The following WDR11 variants were observed in gnomAD, a reference collection of about 807,000 sequenced individuals.
WDR11 encodes WD repeat-containing protein 11.
A neutral mutation model predicts 151.2 loss-of-function variants in WDR11; 83 were observed. The ratio of observed to expected loss-of-function variants is 0.55; its 90% CI spans 0.46 to 0.66. The LOEUF (loss-of-function observed/expected upper bound fraction) is 0.66, where lower values mean the gene tolerates loss of function less well. Among genes scored for constraint, WDR11 ranks in the 30% least tolerant of loss-of-function variants. WDR11 has a pLI of 0.00. For missense variants in WDR11, 1,301 were observed against 1,480.9 expected, an observed-to-expected ratio of 0.88 and a Z score of 1.99; for synonymous variants, 484 against 533.1, an observed-to-expected ratio of 0.91 and a Z score of 1.27.
rs529802509 is a variant in WDR11 at position 120,872,595 on chromosome 10, G to A, written c.1472-1244G>A. ...ATAAGTACCTAAAAGTTTGTCTAGA[G>A]GTGTCACTAAGAAAGATAAATAAGA... On this transcript the variant is annotated intron_variant, in intron 10 of 28. Transcript: ENST00000263461. Among the ~76,000 whole-genome samples, 111 of 152,024 alleles carry A rather than the reference G, an allele frequency of 7.3e-4. 1 individual carries two copies. The highest frequency in any genetic ancestry group is 2.4e-3 in the African/African-American group (101 of 41,494).
At chr10:120,865,263 T>C in intron 6 of WDR11, 51 bp downstream of exon 6, 1 of 1,568,760 alleles carries the variant, frequency 6.4e-7, no homozygotes, top group Non-Finnish European at 8.8e-7. Context: ...GAATGTTATA[T>C]TAAAAGAAGG....
chr10:120,856,575 C>CAAAAAAAAAAAAAAAAAAAAAAACAAA (rs71019798), intron 2 of WDR11, among the ~76,000 whole-genome samples: 1 of 101,926 alleles, frequency 9.8e-6, no homozygotes, highest in African/African-American at 4.1e-5. Context: ...ACTCTGTCTC[C>CAAAAAAAAAAAAAAAAAAAAAAACAAA]AAAAAAAAAA....
intron 28 of WDR11, 112 bp downstream of exon 28, chr10:120,906,967 T>G: frequency 6.7e-7 from 1 of 1,485,566 alleles, no homozygotes; most frequent in Admixed American, 1.8e-5. Flanking sequence ...TTGTGAAAGA[T>G]CCATGTTCTG....
intron 17 of WDR11, 179 bp from the exon 18 acceptor site, chr10:120,889,716 T>G (rs1847352660): frequency 3.2e-6 from 2 of 626,700 alleles, no homozygotes; most frequent in Non-Finnish European, 5.7e-6. Context: ...TGCAGAAGTC[T>G]TAGCTGACCT....
At chr10:120,889,529 C>T in intron 17 of WDR11, 1 of 395,432 alleles carries the variant, frequency 2.5e-6, no homozygotes, top group Non-Finnish European at 4.7e-6. Flanking sequence ...CAGGAGCCAG[C>T]ACACCCGGCC....
intron 5 of WDR11, among the ~76,000 whole-genome samples, chr10:120,863,440 C>A (rs1321795491): frequency 6.6e-6 from 1 of 152,062 alleles, no homozygotes; most frequent in Non-Finnish European, 1.5e-5. Flanking sequence ...CTCTCCCAGT[C>A]TCTAAAATAA....
At chr10:120,874,191 TTGTTGTTGTTGTTGTTG>T (rs1375378652) in intron 11 of WDR11, among the ~76,000 whole-genome samples, 2 of 63,712 alleles carry the variant, frequency 3.1e-5, no homozygotes, top group African/African-American at 9.3e-5. Context: ...TTTTTTTTTT[TTGTTGTTGTTGTTGTTG>T]TTTGTTTTGT....
rs1491035622 is a variant in WDR11 at position 120,869,105 on chromosome 10, G to GT, written c.1294+1936_1294+1937insT. 2.6e-3 allele frequency among the ~76,000 whole-genome samples: 185 copies of GT among 71,606 alleles called. 12 individuals carry two copies. The highest frequency in any genetic ancestry group is 3.5e-3 in the Admixed American group (18 of 5,174). The allele number at this position is 71,606 out of a possible 152,430, so 47.0% of individuals were successfully genotyped here. A position where few individuals can be genotyped will look rare whatever the true frequency, so the allele number is the denominator to read the frequency against. ...AGGTATCTAAGTGATATAAATTACA[G>GT]GTTTTTTTTTTTTTTTTTTTTTTGA... On this transcript the variant is annotated intron_variant, in intron 9 of 28. Coordinates refer to ENST00000263461, the MANE Select transcript of WDR11 (RefSeq NM_018117.12).
rs771477204 is a variant in WDR11, at chr10:120,886,743, G to T, written c.2028G>T (p.Arg676=). Residue 676 remains arginine, a synonymous_variant, in exon 16 of 29, where the codon CGG becomes CGT. Transcript: ENST00000263461. Reference sequence around the variant, plus strand: ...AACTTAGTCAGAACATCTCTGCCCGGGAACATTTTGTATTTACCGATATTG... The same window carrying T: ...AACTTAGTCAGAACATCTCTGCCCGTGAACATTTTGTATTTACCGATATTG... ...KSELSQNISA[R]EHFVFTDIDG... 1 of 1,613,820 alleles carries T rather than the reference G, an allele frequency of 6.2e-7. No individual in the cohort carries two copies. Among genetic ancestry groups the T allele is most frequent in the East Asian group, 2.2e-5 (1 of 44,862 alleles).
rs761336444 is a variant in WDR11 at position 120,860,293 on chromosome 10, G to C, written c.526+11G>C. On this transcript the variant is annotated intron_variant, in intron 4 of 28. Transcript: ENST00000263461. ...CCTCACATTTAACTTGTGAGTAACA[G>C]TTGCTTGTGGAAAATGAGTTAAGTG... The C allele has an allele frequency of 6.2e-7, 1 of 1,612,306 alleles. No individual in the cohort carries two copies. The highest frequency in any genetic ancestry group is 2.2e-5 in the East Asian group (1 of 44,862).
chr10:120,893,518 G>GGGT (rs1334303361), intron 19 of WDR11, among the ~76,000 whole-genome samples: 1 of 151,936 alleles, frequency 6.6e-6, no homozygotes, highest in East Asian at 1.9e-4. Context: ...ATAATCCTTT[G>GGGT]GGTATATACC....
At chr10:120,880,492 T>C (rs1590086896) in intron 12 of WDR11, 1 of 263,840 alleles carries the variant, frequency 3.8e-6, no homozygotes, top group Non-Finnish European at 7.4e-6. Context: ...AAACCCCATC[T>C]CTACTAGGAG....
At chr10:120,866,869 AT>A in intron 8 of WDR11, 105 bp downstream of exon 8, 1 of 1,325,382 alleles carries the variant, frequency 7.5e-7, no homozygotes, top group East Asian at 2.4e-5. Flanking sequence ...CTATAAAAAT[AT>A]TTTTAAGGTA....
chr10:120,906,997 C>A, intron 28 of WDR11, 142 bp downstream of exon 28: 1 of 1,325,284 alleles, frequency 7.5e-7, no homozygotes, highest in Non-Finnish European at 1.1e-6. Flanking sequence ...TTCACCAAAG[C>A]CAGGAAAGAG....
At chr10:120,902,933 C>A (rs1458481731) in intron 22 of WDR11, 122 bp from the exon 23 acceptor site, 10 of 1,031,242 alleles carry the variant, frequency 9.7e-6, no homozygotes, top group Non-Finnish European at 1.5e-5. Flanking sequence ...CCCTGTCAGG[C>A]CCCATGCCAG....
At chr10:120,857,326 A>C (rs747015392) in intron 2 of WDR11, among the ~76,000 whole-genome samples, 4 of 152,192 alleles carry the variant, frequency 2.6e-5, no homozygotes, top group African/African-American at 9.7e-5. Context: ...CATTTTTTTC[A>C]CCATTCTGCA....
chr10:120,904,818 C>T lies in WDR11; in HGVS notation c.3193+7C>T. The stretch of plus-strand genomic sequence containing the variant: ...GCCAATGGCAAATTGGCAGGTAAGG[C>T]ACACTTGATATGTTTGTCATCTCTC... On this transcript the variant is annotated splice_region_variant and intron_variant, in intron 25 of 28. Transcript: ENST00000263461. The T allele has an allele frequency of 6.2e-7, 1 of 1,614,152 alleles. No homozygotes were observed. Among genetic ancestry groups the T allele is most frequent in the African/African-American group, 1.3e-5 (1 of 75,054 alleles).
At chr10:120,868,896 C>T (rs1336536908) in intron 9 of WDR11, 1 of 152,142 alleles carries the variant, frequency 6.6e-6, no homozygotes. Context: ...GACATAAATC[C>T]ATATGAGGAA....
chr10:120,881,725 C>T (rs975179528), intron 13 of WDR11, among the ~76,000 whole-genome samples: 2 of 152,060 alleles, frequency 1.3e-5, no homozygotes, highest in African/African-American at 4.8e-5. Flanking sequence ...TGTGACCATG[C>T]TAAGCTTAGT....
Sources: allele counts gnomAD v4.1 joint callset (sites outside exome capture counted in the v4.1 genomes callset), GRCh38; gene constraint gnomAD v4.1.1; transcripts MANE v1.5; gene names NCBI Gene and HGNC (gene_info 2026-07-23, HGNC 2026-07-21).